Variants in SLC22A16 observed in about 807,000 individuals in gnomAD.
SLC22A16 encodes the protein solute carrier family 22 member 16, also known as WUGSC:RG331P03.1.
SLC22A16 carries 53 observed loss-of-function variants against 52.9 expected under a neutral mutation model. The observed-to-expected ratio is 1.00, with a 90% confidence interval of 0.80 to 1.26. The LOEUF is 1.26. SLC22A16 is among the 50% of genes most tolerant of loss of function. The pLI, the probability that SLC22A16 is intolerant of heterozygous loss-of-function variation, is 0.00. For missense variants in SLC22A16, 726 were observed against 704.0 expected (o/e 1.03, Z -0.35); for synonymous variants, 291 against 268.8 (o/e 1.08, Z -0.81).
In SLC22A16 at chr6:110,446,943, A is replaced by G; in HGVS notation, c.581T>C (p.Leu194Ser). The change falls in exon 3 of 8, where the codon TTG becomes TCG. Residue 194 changes from leucine to serine, a missense_variant. Transcript: ENST00000368919. ...VLWATSSSMF[L>S]FGIAAAFAVD... ...TGCAAACGCCGCTGCTATTCCAAACAAAAACATGCTACTGCTTGTGGCCCA... is the reference window on the plus strand; with the variant it reads ...TGCAAACGCCGCTGCTATTCCAAACGAAAACATGCTACTGCTTGTGGCCCA... The G allele has an allele frequency of 6.2e-7, 1 of 1,613,996 alleles. No homozygotes were observed. Among genetic ancestry groups the G allele is most frequent in the South Asian group, 1.1e-5 (1 of 91,058 alleles).
chr6:110,450,366 C>G (rs1775329790), intron 2 of SLC22A16, among the ~76,000 whole-genome samples: 1 of 151,858 alleles, frequency 6.6e-6, no homozygotes. Flanking sequence ...AATCCCAGCA[C>G]TTTGGGAGGC....
chr6:110,467,428 T>C (rs112261341), intron 1 of SLC22A16, among the ~76,000 whole-genome samples: 3 of 152,354 alleles, frequency 2.0e-5, no homozygotes, highest in African/African-American at 4.8e-5. Context: ...TTTCTATTTC[T>C]CTACCAAACC....
chr6:110,447,053 C>A, intron 2 of SLC22A16, 63 bp from the exon 3 acceptor site: 1 of 1,297,612 alleles, frequency 7.7e-7, no homozygotes, highest in Non-Finnish European at 1.1e-6. Context: ...TAAACATCCA[C>A]TCCAATTCAT....
chr6:110,462,451 AAAC>A (rs1415168099), intron 1 of SLC22A16, among the ~76,000 whole-genome samples: 2 of 152,320 alleles, frequency 1.3e-5, no homozygotes, highest in Admixed American at 6.5e-5. Flanking sequence ...CAACCCCCAA[AAAC>A]TTAGGACATG....
chr6:110,437,615 T>C (rs1774786279), intron 5 of SLC22A16, among the ~76,000 whole-genome samples: 1 of 152,266 alleles, frequency 6.6e-6, no homozygotes, highest in Admixed American at 6.5e-5. Flanking sequence ...AAACTTAAAA[T>C]GCTTTGCTCT....
chr6:110,445,375 T>C (rs191501168), intron 3 of SLC22A16, among the ~76,000 whole-genome samples: 2 of 152,316 alleles, frequency 1.3e-5, no homozygotes, highest in East Asian at 1.9e-4. Flanking sequence ...GACCCACTGA[T>C]GTTATGCCCT....
At chr6:110,448,507 T>C (rs1230547203) in intron 2 of SLC22A16, among the ~76,000 whole-genome samples, 1 of 152,224 alleles carries the variant, frequency 6.6e-6, no homozygotes, top group Non-Finnish European at 1.5e-5. Flanking sequence ...CAGATTTGCT[T>C]GGTGCAGCAG....
At position 110,439,671 on chromosome 6, in the gene SLC22A16, G is replaced by A. The variant is rs867694269; in HGVS notation, c.1184-824C>T. 4.3e-4 allele frequency among the ~76,000 whole-genome samples: 66 copies of A among 152,298 alleles called. No individual in the cohort carries two copies. In the Middle Eastern group the frequency reaches 0.01, roughly 24 times the overall value. On this transcript the variant is annotated intron_variant, in intron 4 of 7. Transcript: ENST00000368919. Reference sequence around the variant, plus strand: ...ACGTATAAAAATTTAGAAGCAAGATGTTTTGAGGATAATATAAAATACAGG... The same window carrying A: ...ACGTATAAAAATTTAGAAGCAAGATATTTTGAGGATAATATAAAATACAGG...
chr6:110,443,083 C>T (rs545482968), intron 3 of SLC22A16, among the ~76,000 whole-genome samples: 1 of 152,228 alleles, frequency 6.6e-6, no homozygotes, highest in South Asian at 2.1e-4. Context: ...TTCTCCATTC[C>T]TTGTAAATGC....
At chr6:110,462,376 C>A (rs1035053102) in intron 1 of SLC22A16, among the ~76,000 whole-genome samples, 1 of 152,066 alleles carries the variant, frequency 6.6e-6, no homozygotes, top group Admixed American at 6.5e-5. Context: ...TCTGAAATGA[C>A]AGATAAAGAA....
rs3778650 is a variant in SLC22A16, at chr6:110,424,774, A to T, written c.*99T>A. 0.23 allele frequency: 293,096 copies of T among 1,286,544 alleles called. 36,117 individuals are homozygous for T. The highest frequency in any genetic ancestry group is 0.38 in the East Asian group (15,855 of 41,706). 79.7% of individuals were successfully genotyped at this position (1,286,544 alleles called of 1,614,324 possible). On this transcript the variant is annotated 3_prime_UTR_variant, in exon 8 of 8. Transcript: ENST00000368919. ...TTTTCTTACAAAATTTATTAAAAAG[A>T]CATACAAACAACATATGGGAGATGA...
intron 1 of SLC22A16, among the ~76,000 whole-genome samples, chr6:110,457,439 A>T (rs530333790): frequency 6.6e-6 from 1 of 152,338 alleles, no homozygotes; most frequent in South Asian, 2.1e-4. Context: ...CAACCTGAAA[A>T]AGTTCCCAGT....
intron 1 of SLC22A16, among the ~76,000 whole-genome samples, chr6:110,464,022 T>G (rs1775982474): frequency 2.0e-5 from 3 of 151,712 alleles, no homozygotes; most frequent in Admixed American, 2.0e-4. Context: ...ACATGGAAAC[T>G]AAACAACTTG....
intron 1 of SLC22A16, among the ~76,000 whole-genome samples, chr6:110,473,305 C>G (rs1316835052): frequency 6.6e-6 from 1 of 152,098 alleles, no homozygotes; most frequent in Non-Finnish European, 1.5e-5. Flanking sequence ...TAAACCGTCT[C>G]TCCTCTTAAC....
At chr6:110,464,648 T>C (rs1399496793) in intron 1 of SLC22A16, among the ~76,000 whole-genome samples, 1 of 151,812 alleles carries the variant, frequency 6.6e-6, no homozygotes, top group Non-Finnish European at 1.5e-5. Context: ...AACAAAAAAA[T>C]GTAACAACTA....
Position 110,456,828 on chromosome 6 carries a change from G to T in SLC22A16, c.243C>A (p.Gly81=). The T allele has an allele frequency of 6.2e-7, 1 of 1,614,084 alleles. No homozygotes were observed. Among genetic ancestry groups the T allele is most frequent in the Non-Finnish European group, 8.5e-7 (1 of 1,179,996 alleles). ...ACTGCACCGTAACATAATCTTTCTGGCCTGAAGACAACAGGGCCCCGGTGT... is the reference window on the plus strand; with the variant it reads ...ACTGCACCGTAACATAATCTTTCTGTCCTGAAGACAACAGGGCCCCGGTGT... ...LEDTGALLSS[G]QKDYVTVQLQ... The change falls in exon 2 of 8, where the codon GGC becomes GGA. Residue 81 remains glycine (G), a synonymous_variant. Coordinates refer to ENST00000368919, the MANE Select transcript of SLC22A16 (RefSeq NM_033125.4).
intron 7 of SLC22A16, among the ~76,000 whole-genome samples, chr6:110,427,257 A>AT (rs1562274110): frequency 6.9e-6 from 1 of 144,306 alleles, no homozygotes; most frequent in Non-Finnish European, 1.5e-5. Flanking sequence ...CAAAAAAAAA[A>AT]AAAAAAAGAA....
At chr6:110,444,465 A>C (rs903703933) in intron 3 of SLC22A16, among the ~76,000 whole-genome samples, 6 of 152,182 alleles carry the variant, frequency 3.9e-5, no homozygotes, top group East Asian at 1.9e-4. Context: ...TGCAGATGTT[A>C]ATTTCTTCAA....
At position 110,476,507 on chromosome 6, in the gene SLC22A16, G is replaced by GCCCCC. The variant is rs1554229887; in HGVS notation, c.53+14_53+15insGGGGG. ...GCCGCCTCCCGCGTGGCGCCGCGGG[G>GCCCCC]CCCCTCCCCCATACCTGCCGAAGTG... On this transcript the variant is annotated intron_variant, in intron 1 of 7. Transcript: ENST00000368919. 4 of 1,072,996 alleles carry GCCCCC rather than the reference G, an allele frequency of 3.7e-6. No individual in the cohort carries two copies. The highest frequency in any genetic ancestry group is 5.6e-5 in the African/African-American group (2 of 35,464). 66.5% of individuals were successfully genotyped at this position (1,072,996 alleles called of 1,614,324 possible).
Sources: allele counts gnomAD v4.1 joint callset (sites outside exome capture counted in the v4.1 genomes callset), GRCh38; gene constraint gnomAD v4.1.1; transcripts MANE v1.5; gene names NCBI Gene and HGNC (gene_info 2026-07-23, HGNC 2026-07-21).